Variants in ZFHX3 observed in about 807,000 individuals in gnomAD.
ZFHX3 encodes zinc finger homeobox protein 3.
A neutral mutation model predicts 279.1 loss-of-function variants in ZFHX3; 42 were observed. The observed-to-expected ratio is 0.15, with a 90% CI of 0.12 to 0.19. The LOEUF (loss-of-function observed/expected upper bound fraction) is 0.19, where lower values mean the gene tolerates loss of function less well. ZFHX3 is among the 10% of genes least tolerant of loss of function. The probability of loss-of-function intolerance (pLI) is 1.00; values close to 1 mark genes in which losing one functional copy is unlikely to be tolerated. For missense variants in ZFHX3, 4,981 were observed against 4,754.0 expected (o/e 1.05, Z -1.40); for synonymous variants, 2,293 against 1,957.8 (o/e 1.17, Z -4.52).
chr16:73,227,848 C>CAAAAAAAAAAAAAA (rs398029895), intron 5 of ZFHX3, among the ~76,000 whole-genome samples: 4 of 46,062 alleles, frequency 8.7e-5, no homozygotes, highest in African/African-American at 4.2e-4. Flanking sequence ...GATTCTGTCT[C>CAAAAAAAAAAAAAA]AAAAAAAAAA....
chr16:73,438,400 CA>C, intron 3 of ZFHX3, among the ~76,000 whole-genome samples: 1 of 152,262 alleles, frequency 6.6e-6, no homozygotes, highest in African/African-American at 2.4e-5. Flanking sequence ...CATAATGGCC[CA>C]AATGCAATCT....
At chr16:73,472,199 C>T (rs970677641) in intron 2 of ZFHX3, among the ~76,000 whole-genome samples, 1 of 151,768 alleles carries the variant, frequency 6.6e-6, no homozygotes, top group Non-Finnish European at 1.5e-5. Flanking sequence ...TTATCAAAAG[C>T]CCCACAGCCG....
intron 3 of ZFHX3, among the ~76,000 whole-genome samples, chr16:73,442,171 C>T (rs79748267): frequency 0.016 from 2,417 of 152,172 alleles, 31 homozygotes; most frequent in Middle Eastern, 0.031. Flanking sequence ...CAAGAGAAGG[C>T]AAAGGGAAGG....
chr16:72,799,484 G>A (rs1448067859), intron 8 of ZFHX3, among the ~76,000 whole-genome samples: 3 of 152,156 alleles, frequency 2.0e-5, no homozygotes, highest in Admixed American at 1.3e-4. Flanking sequence ...CACCTTAGAG[G>A]TGAACGATGT....
At chr16:73,885,565 G>A (rs964536250) in intron 1 of ZFHX3, among the ~76,000 whole-genome samples, 1 of 152,000 alleles carries the variant, frequency 6.6e-6, no homozygotes, top group African/African-American at 2.4e-5. Flanking sequence ...TCATTTTTCC[G>A]TGGATCAGCC....
intron 2 of ZFHX3, among the ~76,000 whole-genome samples, chr16:73,567,490 C>T (rs1304597222): frequency 6.6e-6 from 1 of 152,204 alleles, no homozygotes; most frequent in Non-Finnish European, 1.5e-5. Flanking sequence ...CTTTCTCTAC[C>T]AGGATAACAC....
chr16:72,792,511 C>T (rs1385765818), intron 9 of ZFHX3, among the ~76,000 whole-genome samples: 4 of 151,970 alleles, frequency 2.6e-5, no homozygotes, highest in Non-Finnish European at 1.5e-5. Flanking sequence ...GGCTGGAGTG[C>T]AGTGGCACAA....
chr16:73,832,019 G>C (rs556541006), intron 1 of ZFHX3, among the ~76,000 whole-genome samples: 1 of 152,304 alleles, frequency 6.6e-6, no homozygotes, highest in Admixed American at 6.5e-5. Flanking sequence ...TCTTGCCTCA[G>C]CCTCCCGAGT....
intron 3 of ZFHX3, among the ~76,000 whole-genome samples, chr16:73,361,390 G>GA (rs2016432131): frequency 6.6e-6 from 1 of 152,268 alleles, no homozygotes; most frequent in Non-Finnish European, 1.5e-5. Flanking sequence ...CGATGAGAGA[G>GA]AAAACGTGGA....
At chr16:73,645,378 T>C (rs892587249) in intron 2 of ZFHX3, among the ~76,000 whole-genome samples, 3 of 152,148 alleles carry the variant, frequency 2.0e-5, no homozygotes, top group Admixed American at 6.5e-5. Flanking sequence ...TGCCTCAGCC[T>C]CCCGAGTAGC....
chr16:73,430,492 C>G (rs2017891026), intron 3 of ZFHX3, among the ~76,000 whole-genome samples: 2 of 152,140 alleles, frequency 1.3e-5, no homozygotes, highest in Non-Finnish European at 2.9e-5. Context: ...GGAAACAAAA[C>G]AGATCAAAAG....
intron 3 of ZFHX3, among the ~76,000 whole-genome samples, chr16:73,435,749 T>C (rs2017985919): frequency 6.6e-6 from 1 of 152,174 alleles, no homozygotes; most frequent in Non-Finnish European, 1.5e-5. Flanking sequence ...TCCACTCAAG[T>C]TCTCCCCTGT....
chr16:73,405,653 T>G (rs2017345074), intron 3 of ZFHX3, among the ~76,000 whole-genome samples: 1 of 152,016 alleles, frequency 6.6e-6, no homozygotes, highest in African/African-American at 2.4e-5. Context: ...AATGGGGCCC[T>G]GCACATCACG....
At chr16:73,805,364 T>A (rs1456812687) in intron 1 of ZFHX3, among the ~76,000 whole-genome samples, 2 of 152,146 alleles carry the variant, frequency 1.3e-5, no homozygotes, top group African/African-American at 4.8e-5. Flanking sequence ...AGATGGGGTT[T>A]CACCATGTTG....
intron 2 of ZFHX3, among the ~76,000 whole-genome samples, chr16:73,540,161 C>T (rs531579688): frequency 1.3e-4 from 20 of 152,292 alleles, no homozygotes; most frequent in African/African-American, 3.8e-4. Flanking sequence ...TTTGGCCTGA[C>T]GTGCCTGCTG....
At chr16:73,541,895 G>A (rs368916532) in intron 2 of ZFHX3, among the ~76,000 whole-genome samples, 3 of 147,324 alleles carry the variant, frequency 2.0e-5, no homozygotes, top group East Asian at 4.0e-4. Flanking sequence ...TCTGCCTCCT[G>A]GGTTAAAGCA....
chr16:73,884,757 T>C (rs942997179), intron 1 of ZFHX3, among the ~76,000 whole-genome samples: 4 of 152,160 alleles, frequency 2.6e-5, no homozygotes, highest in Admixed American at 2.6e-4. Context: ...TCTGCCTAAG[T>C]AAAAATGACC....
At chr16:72,791,347 G>C (rs2035692048) in intron 9 of ZFHX3, 1 of 152,232 alleles carries the variant, frequency 6.6e-6, no homozygotes, top group South Asian at 2.1e-4. Flanking sequence ...GTCAGGTGAT[G>C]ATAACTGGGG....
chr16:73,042,033 G>A (rs1483205583), intron 1 of ZFHX3, among the ~76,000 whole-genome samples: 3 of 152,198 alleles, frequency 2.0e-5, no homozygotes, highest in Non-Finnish European at 2.9e-5. Context: ...ATCAGAAATA[G>A]GCCACTCAGG....
Sources: allele counts gnomAD v4.1 joint callset (sites outside exome capture counted in the v4.1 genomes callset), GRCh38; gene constraint gnomAD v4.1.1; transcripts MANE v1.5; gene names NCBI Gene and HGNC (gene_info 2026-07-23, HGNC 2026-07-21).